NUP210: variants seen among roughly 807,000 people sequenced by gnomAD.
NUP210 encodes the protein nuclear pore membrane glycoprotein 210.
In NUP210, 151 loss-of-function variants were observed where a neutral mutation model predicts 196.0. That is an observed-to-expected ratio of 0.77 (90% CI 0.67 to 0.88). The LOEUF is 0.88. NUP210 is among the 40% of genes least tolerant of loss of function. The pLI, the probability that NUP210 is intolerant of heterozygous loss-of-function variation, is 0.00. For synonymous variants in NUP210, 1,070 were observed against 1,052.7 expected (o/e 1.02, Z -0.32); for missense variants, 2,314 against 2,493.7 (o/e 0.93, Z 1.53).
chr3:13,356,509 G>A (rs990124924), intron 16 of NUP210, among the ~76,000 whole-genome samples: 4 of 152,194 alleles, frequency 2.6e-5, no homozygotes, highest in African/African-American at 9.6e-5. Context: ...TGGGTGTGGT[G>A]GCGCATGCCT....
chr3:13,358,813 A>T (rs748911625), intron 15 of NUP210, among the ~76,000 whole-genome samples: 1 of 152,248 alleles, frequency 6.6e-6, no homozygotes, highest in Non-Finnish European at 1.5e-5. Context: ...CAGAATGATG[A>T]CAGGGCAAGC....
At position 13,388,374 on chromosome 3, in the gene NUP210, T is replaced by G; in HGVS notation, c.613A>C (p.Thr205Pro). The change falls in exon 5 of 40, where the codon ACC becomes CCC. Residue 205 changes from threonine to proline, a missense_variant. Physicochemically the swap from Thr to Pro is conservative, Grantham distance 38. Coordinates refer to ENST00000254508, the MANE Select transcript of NUP210 (RefSeq NM_024923.4). ...GTCTTCATCCCAGACACCAGGATGG[T>G]GTCCCCTTGCTTGGCAGCCTTCTCC... is the stretch of plus-strand genomic sequence containing the variant. ...EMEKAAKQGD[T>P]ILVSGMKTGS... is the part of the protein sequence containing the mutation. 6.2e-7 allele frequency: 1 copy of G among 1,613,046 alleles called. No homozygotes were observed.
intron 30 of NUP210, among the ~76,000 whole-genome samples, chr3:13,329,906 T>C (rs1205423614): frequency 3.9e-5 from 6 of 152,200 alleles, no homozygotes; most frequent in Non-Finnish European, 8.8e-5. Context: ...TCAACCCCCA[T>C]GCAAGCTTAA....
chr3:13,396,398 G>A (rs1699655733), intron 3 of NUP210, among the ~76,000 whole-genome samples: 1 of 152,042 alleles, frequency 6.6e-6, no homozygotes, highest in Non-Finnish European at 1.5e-5. Context: ...CAGATCATCT[G>A]AAAGGCATCT....
chr3:13,342,445 C>A (rs1182920047), intron 21 of NUP210, among the ~76,000 whole-genome samples: 1 of 152,230 alleles, frequency 6.6e-6, no homozygotes, highest in African/African-American at 2.4e-5. Flanking sequence ...ACAGCTCACA[C>A]CTGGCAGTGT....
chr3:13,398,117 T>C (rs979251266), intron 2 of NUP210, among the ~76,000 whole-genome samples: 3 of 152,196 alleles, frequency 2.0e-5, no homozygotes, highest in African/African-American at 7.2e-5. Flanking sequence ...TGCACAGCAA[T>C]ACGGTCCCAT....
At chr3:13,361,160 G>C (rs1698356177) in intron 14 of NUP210, among the ~76,000 whole-genome samples, 1 of 152,210 alleles carries the variant, frequency 6.6e-6, no homozygotes, top group Non-Finnish European at 1.5e-5. Flanking sequence ...CCTTCCTTCT[G>C]AGCCGCTGGG....
rs564708175 is a variant in NUP210 at position 13,336,618 on chromosome 3, A to T, written c.3684+169T>A. ...CCCGTCTATGTGTTTAGCATTTGGG[A>T]GAAGGGAGTCCCGATGAGCCTCGGG... On this transcript the variant is annotated intron_variant, in intron 27 of 39. Coordinates refer to ENST00000254508, the MANE Select transcript of NUP210 (RefSeq NM_024923.4). Among the ~76,000 whole-genome samples, 5 of 152,222 alleles carry T rather than the reference A, an allele frequency of 3.3e-5. No homozygotes were observed. In the South Asian group the frequency reaches 1.0e-3, roughly 32 times the overall value.
chr3:13,370,224 AC>A (rs1698684053), intron 13 of NUP210, among the ~76,000 whole-genome samples: 1 of 152,108 alleles, frequency 6.6e-6, no homozygotes, highest in Non-Finnish European at 1.5e-5. Context: ...CACACTCCAC[AC>A]CAGGGGCGGT....
intron 1 of NUP210, among the ~76,000 whole-genome samples, chr3:13,406,013 T>G (rs1419229471): frequency 6.6e-6 from 1 of 152,240 alleles, no homozygotes; most frequent in Non-Finnish European, 1.5e-5. Flanking sequence ...TCATAAATGT[T>G]AATACGAAAG....
chr3:13,398,905 G>A (rs1297829027), intron 2 of NUP210, among the ~76,000 whole-genome samples: 1 of 152,188 alleles, frequency 6.6e-6, no homozygotes, highest in African/African-American at 2.4e-5. Flanking sequence ...CTGCATTTCA[G>A]CCTGGGTGAC....
chr3:13,403,509 T>C (rs181932306), intron 1 of NUP210, among the ~76,000 whole-genome samples: 44 of 152,242 alleles, frequency 2.9e-4, no homozygotes, highest in African/African-American at 1.1e-3. Context: ...GCCTTGGGGA[T>C]GAGGTGTCAA....
At chr3:13,361,247 A>G (rs1203398870) in intron 14 of NUP210, among the ~76,000 whole-genome samples, 1 of 152,342 alleles carries the variant, frequency 6.6e-6, no homozygotes, top group Middle Eastern at 3.4e-3. Flanking sequence ...CCTGGCACAT[A>G]GCGGGTGCTC....
Position 13,335,590 on chromosome 3 carries a change from T to A in NUP210, c.3707A>T (p.Gln1236Leu). The A allele has an allele frequency of 1.2e-6, 2 of 1,614,086 alleles. No homozygotes were observed. The highest frequency in any genetic ancestry group is 1.7e-6 in the Non-Finnish European group (2 of 1,180,026). The change falls in exon 28 of 40, where the codon CAG becomes CTG. Residue 1236 changes from glutamine (Q) to leucine (L), a missense_variant. Physicochemically the swap from Gln to Leu is moderately radical, Grantham distance 113. Coordinates refer to ENST00000254508, the MANE Select transcript of NUP210 (RefSeq NM_024923.4). ...GAGCACGTTCATGGCAAAGTTGTAC[T>A]GTGACGGGAGTCGGATCGACGCCTG... Reference protein sequence around the residue: ...HHEASIRLPSQYNFAMNVLGR... With the variant: ...HHEASIRLPSLYNFAMNVLGR...
At chr3:13,376,851 G>A (rs1698928331) in intron 9 of NUP210, among the ~76,000 whole-genome samples, 1 of 152,130 alleles carries the variant, frequency 6.6e-6, no homozygotes, top group African/African-American at 2.4e-5. Context: ...ACACCGAGAG[G>A]AACCTCGCCT....
intron 20 of NUP210, among the ~76,000 whole-genome samples, chr3:13,344,260 A>T (rs1170619635): frequency 6.6e-6 from 1 of 152,204 alleles, no homozygotes; most frequent in Non-Finnish European, 1.5e-5. Flanking sequence ...GCTGCAGAAG[A>T]TGGGCATTCA....
At position 13,323,510 on chromosome 3, in the gene NUP210, C is replaced by T; in HGVS notation, c.4645-78G>A. On this transcript the variant is annotated intron_variant, in intron 33 of 39. Coordinates refer to ENST00000254508, the MANE Select transcript of NUP210 (RefSeq NM_024923.4). This position sits in a 1 kb window ranked among gnomAD's most constrained non-coding sequence, Gnocchi z 4.3. The stretch of plus-strand genomic sequence containing the variant: ...TGCTGGGCGTTTCCACAACCTCACC[C>T]TGCAGTCTGTGACATAGTGTCACCC... 1 of 1,534,740 alleles carries T rather than the reference C, an allele frequency of 6.5e-7. No homozygotes were observed. The highest frequency in any genetic ancestry group is 1.2e-5 in the South Asian group (1 of 86,940).
chr3:13,327,263 C>T lies in NUP210; in HGVS notation c.4461G>A (p.Val1487=). 1 of 1,613,496 alleles carries T rather than the reference C, an allele frequency of 6.2e-7. No individual in the cohort carries two copies. The highest frequency in any genetic ancestry group is 1.3e-5 in the African/African-American group (1 of 75,060). Residue 1487 remains valine (V), a synonymous_variant, in exon 32 of 40, where the codon GTG becomes GTA. Transcript: ENST00000254508. Reference sequence around the variant, plus strand: ...TGGCCAGACAGAGCACGTCCCCCACCACCATGGCCCCAGACAGCTCTGGGG... The same window carrying T: ...TGGCCAGACAGAGCACGTCCCCCACTACCATGGCCCCAGACAGCTCTGGGG... ...AISPELSGAM[V]VGDVLCLATV... is the part of the protein sequence containing the mutation.
chr3:13,379,865 C>T lies in NUP210; in HGVS notation c.818-144G>A, dbSNP rs1699048051. On this transcript the variant is annotated intron_variant, in intron 6 of 39. Coordinates refer to ENST00000254508, the MANE Select transcript of NUP210 (RefSeq NM_024923.4). The surrounding 1 kb of genome is among the most constrained non-coding windows in gnomAD (Gnocchi z 4.2). The stretch of plus-strand genomic sequence containing the variant: ...CGCATTTTCTTAATTGTTTTCAGTG[C>T]TTTAAATGTTAATATTGTTCTGCAT... 1 of 636,842 alleles carries T rather than the reference C, an allele frequency of 1.6e-6. No homozygotes were observed. Among genetic ancestry groups the T allele is most frequent in the Non-Finnish European group, 2.5e-6 (1 of 396,524 alleles). The allele number at this position is 636,842 out of a possible 1,614,324, so 39.4% of individuals were successfully genotyped here.
Sources: allele counts gnomAD v4.1 joint callset (sites outside exome capture counted in the v4.1 genomes callset), GRCh38; gene constraint gnomAD v4.1.1; non-coding constraint Gnocchi (gnomAD v3.1); transcripts MANE v1.5; gene names NCBI Gene and HGNC (gene_info 2026-07-23, HGNC 2026-07-21).